Variants in MSI2 observed in about 807,000 individuals in gnomAD.
MSI2 encodes the protein musashi RNA binding protein 2.
In MSI2, 17 loss-of-function variants were observed where a neutral mutation model predicts 45.6. The observed-to-expected ratio is 0.37, with a 90% CI of 0.26 to 0.56. The LOEUF is 0.56. Among genes scored for constraint, MSI2 ranks in the 20% least tolerant of loss-of-function variants. MSI2 has a pLI of 0.77. For missense variants in MSI2, 293 were observed against 444.2 expected, an observed-to-expected ratio of 0.66 and a Z score of 3.06; for synonymous variants, 156 against 158.2, an observed-to-expected ratio of 0.99 and a Z score of 0.11.
At chr17:57,509,691 G>C (rs2086310097) in intron 6 of MSI2, among the ~76,000 whole-genome samples, 1 of 152,172 alleles carries the variant, frequency 6.6e-6, no homozygotes, top group Non-Finnish European at 1.5e-5. Context: ...AAAGTGCTGG[G>C]ATTACAGGCG....
chr17:57,436,854 C>T (rs939439004), intron 6 of MSI2, among the ~76,000 whole-genome samples: 1 of 152,162 alleles, frequency 6.6e-6, no homozygotes, highest in African/African-American at 2.4e-5. Context: ...TGAGTACTGA[C>T]AGTACTCTGG....
chr17:57,475,489 C>T (rs146400886), intron 6 of MSI2, among the ~76,000 whole-genome samples: 49 of 152,294 alleles, frequency 3.2e-4, no homozygotes, highest in African/African-American at 1.1e-3. Context: ...AAACCTCCCT[C>T]TTGCTTTATC....
intron 5 of MSI2, among the ~76,000 whole-genome samples, chr17:57,346,350 G>GA (rs947454470): frequency 1.1e-5 from 1 of 90,830 alleles, no homozygotes; most frequent in Non-Finnish European, 2.6e-5. Flanking sequence ...ACACATTTTG[G>GA]GGGGGGGGGT....
chr17:57,660,106 G>A (rs558692034), intron 11 of MSI2, among the ~76,000 whole-genome samples: 29 of 152,286 alleles, frequency 1.9e-4, no homozygotes, highest in Admixed American at 6.5e-4. Flanking sequence ...AGTGGGCTTC[G>A]TGCCTGGCTT....
chr17:57,502,611 A>G (rs1286477123), intron 6 of MSI2, among the ~76,000 whole-genome samples: 21 of 106,700 alleles, frequency 2.0e-4, no homozygotes, highest in African/African-American at 6.5e-4. Flanking sequence ...AGATATATAT[A>G]TATATATATA....
In MSI2 at chr17:57,471,375, C is replaced by G. The variant is rs529964992; in HGVS notation, c.406-58301C>G. 1.6e-3 allele frequency among the ~76,000 whole-genome samples: 232 copies of G among 146,274 alleles called. 1 individual carries two copies. The highest frequency in any genetic ancestry group is 5.2e-3 in the African/African-American group (206 of 39,718). On this transcript the variant is annotated intron_variant, in intron 6 of 13. Coordinates refer to ENST00000284073, the MANE Select transcript of MSI2 (RefSeq NM_138962.4). The stretch of plus-strand genomic sequence containing the variant: ...GTACAATCTCGGCTCACTGCAACCT[C>G]CGCCTCCTGGGTTCAAGCCATTCTC...
intron 6 of MSI2, among the ~76,000 whole-genome samples, chr17:57,509,874 T>C (rs2086314393): frequency 6.6e-6 from 1 of 152,122 alleles, no homozygotes; most frequent in Admixed American, 6.5e-5. Flanking sequence ...TTACGATTAG[T>C]GTCATTCCTG....
intron 5 of MSI2, among the ~76,000 whole-genome samples, chr17:57,385,232 C>T (rs2083665049): frequency 6.6e-6 from 1 of 152,190 alleles, no homozygotes; most frequent in Non-Finnish European, 1.5e-5. Context: ...TACCCTTTGT[C>T]TACAGGATGA....
intron 5 of MSI2, among the ~76,000 whole-genome samples, chr17:57,366,385 G>A (rs1054403072): frequency 5.9e-5 from 9 of 152,282 alleles, no homozygotes; most frequent in East Asian, 5.8e-4. Flanking sequence ...GGGATCACAC[G>A]TTTGAATGAC....
intron 5 of MSI2, among the ~76,000 whole-genome samples, chr17:57,384,201 A>G (rs775007333): frequency 6.6e-5 from 10 of 152,212 alleles, no homozygotes; most frequent in Non-Finnish European, 1.5e-4. Flanking sequence ...TCAGGTCAGA[A>G]ATTTGGATGG....
chr17:57,587,278 C>CCA (rs148475558), intron 7 of MSI2, among the ~76,000 whole-genome samples: 6,612 of 152,128 alleles, frequency 0.043, 167 homozygotes, highest in Middle Eastern at 0.082. Context: ...CCTGATGAAA[C>CCA]ACTTGCTGGT....
intron 7 of MSI2, among the ~76,000 whole-genome samples, chr17:57,594,274 A>T (rs1905088955): frequency 6.6e-6 from 1 of 152,060 alleles, no homozygotes; most frequent in African/African-American, 2.4e-5. Flanking sequence ...CTGGCTCTTA[A>T]TCCATTCTAC....
chr17:57,511,913 C>T (rs1403217316), intron 6 of MSI2, among the ~76,000 whole-genome samples: 2 of 152,296 alleles, frequency 1.3e-5, no homozygotes, highest in South Asian at 2.1e-4. Context: ...GCCCTGCTCC[C>T]GTGGCTTACA....
intron 6 of MSI2, among the ~76,000 whole-genome samples, chr17:57,526,359 GTGTGTGTGTGTGTGTGTGT>G (rs2086697690): frequency 3.0e-5 from 2 of 67,012 alleles, no homozygotes; most frequent in African/African-American, 8.7e-5. Context: ...ATACCTGGGT[GTGTGTGTGTGTGTGTGTGT>G]GTGTGTGTGT....
At chr17:57,274,956 A>T (rs776007081) in intron 5 of MSI2, among the ~76,000 whole-genome samples, 1 of 152,254 alleles carries the variant, frequency 6.6e-6, no homozygotes, top group Non-Finnish European at 1.5e-5. Context: ...GTGTATGATG[A>T]ATACTGAGAA....
chr17:57,332,410 A>G (rs1337549220), intron 5 of MSI2, among the ~76,000 whole-genome samples: 1 of 152,160 alleles, frequency 6.6e-6, no homozygotes, highest in Non-Finnish European at 1.5e-5. Flanking sequence ...CTATGTTGCC[A>G]TTTTTATTTG....
chr17:57,320,241 T>C (rs1286576473), intron 5 of MSI2, among the ~76,000 whole-genome samples: 1 of 152,210 alleles, frequency 6.6e-6, no homozygotes, highest in African/African-American at 2.4e-5. Context: ...GGAGTGTCTC[T>C]CTTGAGAGGA....
chr17:57,517,793 T>C (rs2086501343), intron 6 of MSI2, among the ~76,000 whole-genome samples: 1 of 152,108 alleles, frequency 6.6e-6, no homozygotes, highest in Non-Finnish European at 1.5e-5. Flanking sequence ...CCCTTGCCCC[T>C]CCTCTGTTGT....
intron 6 of MSI2, among the ~76,000 whole-genome samples, chr17:57,508,239 A>G (rs2086279185): frequency 6.6e-6 from 1 of 152,032 alleles, no homozygotes; most frequent in Non-Finnish European, 1.5e-5. Flanking sequence ...CATTGATATG[A>G]GACCCCCACC....
Sources: allele counts gnomAD v4.1 joint callset (sites outside exome capture counted in the v4.1 genomes callset), GRCh38; gene constraint gnomAD v4.1.1; transcripts MANE v1.5; gene names NCBI Gene and HGNC (gene_info 2026-07-23, HGNC 2026-07-21).